Variants in NPM1 observed in about 807,000 individuals in gnomAD.
The protein encoded by NPM1 is nucleophosmin 1.
NPM1 carries 1 observed loss-of-function variant against 44.1 expected under a neutral mutation model. The observed-to-expected ratio is 0.02, with a 90% CI of 0.01 to 0.11. The LOEUF (loss-of-function observed/expected upper bound fraction) is 0.11, where lower values mean the gene tolerates loss of function less well. Ranked by LOEUF, NPM1 falls within the 10% of genes least tolerant of loss-of-function variation. NPM1 has a pLI of 1.00. For missense variants in NPM1, 197 were observed against 347.8 expected (o/e 0.57, Z 3.45); for synonymous variants, 126 against 111.8 (o/e 1.13, Z -0.80).
At chr5:171,396,592 C>CA (rs1770898106) in intron 6 of NPM1, among the ~76,000 whole-genome samples, 1 of 152,252 alleles carries the variant, frequency 6.6e-6, no homozygotes, top group South Asian at 2.1e-4. Context: ...ATTTAGAGAC[C>CA]AGTACGTTCA....
At chr5:171,391,944 T>C (rs1407321899) in intron 4 of NPM1, 145 bp downstream of exon 4, 3 of 435,148 alleles carry the variant, frequency 6.9e-6, no homozygotes, top group Non-Finnish European at 1.2e-5. Flanking sequence ...AGAGGACAAA[T>C]AAATTTTTGG....
rs11551523 is a variant in NPM1 at position 171,387,924 on chromosome 5, C to A, written c.-25C>A. The A allele has an allele frequency of 6.2e-7, 1 of 1,608,660 alleles. No individual in the cohort carries two copies. Among genetic ancestry groups the A allele is most frequent in the Admixed American group, 1.7e-5 (1 of 60,014 alleles). Reference sequence around the variant, plus strand: ...CTTTTATCTCCGTCCGCCTTCTCTCCTACCTAAGTGCGTGCCGCCACCCGA... The same window carrying A: ...CTTTTATCTCCGTCCGCCTTCTCTCATACCTAAGTGCGTGCCGCCACCCGA... On this transcript the variant is annotated 5_prime_UTR_variant, in exon 1 of 11. Coordinates refer to ENST00000296930, the MANE Select transcript of NPM1 (RefSeq NM_002520.7).
At chr5:171,389,288 A>G (rs1233103877) in intron 1 of NPM1, among the ~76,000 whole-genome samples, 1 of 152,216 alleles carries the variant, frequency 6.6e-6, no homozygotes, top group African/African-American at 2.4e-5. Context: ...ACATTTAAGC[A>G]TGTATATGTA....
chr5:171,396,235 C>T (rs1770875882), intron 6 of NPM1, among the ~76,000 whole-genome samples: 1 of 152,172 alleles, frequency 6.6e-6, no homozygotes, highest in Non-Finnish European at 1.5e-5. Flanking sequence ...CCCACCCCAG[C>T]CTCCCAGAGT....
At chr5:171,388,104 GAGACCGCC>G in intron 1 of NPM1, 98 bp downstream of exon 1, 1 of 1,079,454 alleles carries the variant, frequency 9.3e-7, no homozygotes, top group South Asian at 1.3e-5. Flanking sequence ...GGGTCTGGTG[GAGACCGCC>G]AGACCGACGG....
chr5:171,405,287 T>C lies in NPM1; in HGVS notation c.670-15T>C. On this transcript the variant is annotated splice_polypyrimidine_tract_variant and intron_variant, in intron 8 of 10. Transcript: ENST00000296930. ...TTTATTCTTATGACCTTTTGGAAAT[T>C]CATTTCTTTTTCAGGGACAAGAATC... is the stretch of plus-strand genomic sequence containing the variant. The C allele has an allele frequency of 7.7e-7, 1 of 1,306,810 alleles. No homozygotes were observed. The highest frequency in any genetic ancestry group is 1.1e-6 in the Non-Finnish European group (1 of 921,306). 81.0% of individuals were successfully genotyped at this position (1,306,810 alleles called of 1,614,324 possible). A position where few individuals can be genotyped will look rare whatever the true frequency, so the allele number is the denominator to read the frequency against.
At chr5:171,388,383 G>GT (rs1183131733) in intron 1 of NPM1, among the ~76,000 whole-genome samples, 1 of 152,230 alleles carries the variant, frequency 6.6e-6, no homozygotes, top group Non-Finnish European at 1.5e-5. Flanking sequence ...CAGGCCCCGG[G>GT]TTGGTGGTCC....
At chr5:171,408,238 T>C (rs1042416172) in intron 10 of NPM1, among the ~76,000 whole-genome samples, 2 of 152,052 alleles carry the variant, frequency 1.3e-5, no homozygotes, top group Admixed American at 1.3e-4. Flanking sequence ...AAATTGTGGC[T>C]ACTACCAGAT....
intron 6 of NPM1, among the ~76,000 whole-genome samples, chr5:171,394,103 G>T (rs187535581): frequency 6.9e-6 from 1 of 145,688 alleles, no homozygotes; most frequent in Non-Finnish European, 1.5e-5. Flanking sequence ...GTGCGGTGGC[G>T]CCATCTCGGC....
intron 8 of NPM1, among the ~76,000 whole-genome samples, chr5:171,402,189 AGT>A (rs1351068994): frequency 6.6e-6 from 1 of 150,758 alleles, no homozygotes; most frequent in Non-Finnish European, 1.5e-5. Flanking sequence ...CCCACTAAAA[AGT>A]GGGCAAAGGA....
intron 2 of NPM1, among the ~76,000 whole-genome samples, chr5:171,390,856 G>A (rs1327012784): frequency 2.0e-5 from 3 of 152,004 alleles, no homozygotes. Context: ...CCGAGTAGCT[G>A]GGATTACAGG....
chr5:171,391,488 G>C, intron 3 of NPM1, 64 bp downstream of exon 3: 1 of 1,582,424 alleles, frequency 6.3e-7, no homozygotes, highest in East Asian at 2.2e-5. Context: ...GGTAGGTTTG[G>C]TGTCATTTAG....
chr5:171,389,160 G>T (rs1211356347), intron 1 of NPM1, among the ~76,000 whole-genome samples: 1 of 152,168 alleles, frequency 6.6e-6, no homozygotes, highest in Non-Finnish European at 1.5e-5. Flanking sequence ...ATCTCAGTAG[G>T]ATTAATTGCA....
intron 8 of NPM1, among the ~76,000 whole-genome samples, chr5:171,401,314 G>A (rs1276096179): frequency 1.3e-5 from 2 of 151,566 alleles, no homozygotes; most frequent in Non-Finnish European, 2.9e-5. Context: ...TTGCACCACT[G>A]CACTCCAGCT....
intron 10 of NPM1, among the ~76,000 whole-genome samples, chr5:171,408,155 T>TG (rs1771663132): frequency 6.6e-6 from 1 of 151,668 alleles, no homozygotes; most frequent in Non-Finnish European, 1.5e-5. Context: ...ATCTTTTTTT[T>TG]TTTTTTCCTA....
At position 171,393,673 on chromosome 5, in the gene NPM1, A is replaced by G. The variant is rs530933243; in HGVS notation, c.524+695A>G. The stretch of plus-strand genomic sequence containing the variant: ...TGTCCTTCAGTTCTGAGGTTGGTCC[A>G]TATGCATTTATTGAAAACAAATATA... On this transcript the variant is annotated intron_variant, in intron 6 of 10. Coordinates refer to ENST00000296930, the MANE Select transcript of NPM1 (RefSeq NM_002520.7). Among the ~76,000 whole-genome samples, 6 of 152,374 alleles carry G rather than the reference A, an allele frequency of 3.9e-5. No homozygotes were observed. In the South Asian group the frequency reaches 1.2e-3, roughly 32 times the overall value.
chr5:171,399,812 T>G (rs1367328048), intron 6 of NPM1, among the ~76,000 whole-genome samples: 1 of 152,192 alleles, frequency 6.6e-6, no homozygotes, highest in East Asian at 1.9e-4. Flanking sequence ...CAACTTCATT[T>G]CCCAGCCCCT....
In NPM1 at chr5:171,390,727, G is replaced by GT. The variant is rs138692242; in HGVS notation, c.139-567dup. Among the ~76,000 whole-genome samples, 176 of 149,248 alleles carry GT rather than the reference G, an allele frequency of 1.2e-3. 3 individuals are homozygous for GT. The South Asian group carries it at 0.024, about 21-fold the overall frequency. ...ACCTTATTTTTAATATACCTTTCCTGTTTTTTTTTTTCTTTGGAGGCAGTC... is the reference window on the plus strand; with the variant it reads ...ACCTTATTTTTAATATACCTTTCCTGTTTTTTTTTTTTCTTTGGAGGCAGTC... On this transcript the variant is annotated intron_variant, in intron 2 of 10. Transcript: ENST00000296930.
At chr5:171,410,457 G>A in intron 10 of NPM1, 70 bp from the exon 11 acceptor site, 2 of 940,608 alleles carry the variant, frequency 2.1e-6, no homozygotes, top group South Asian at 1.6e-5. Flanking sequence ...TATGCAAAGA[G>A]ACATTTAATT....
Sources: allele counts gnomAD v4.1 joint callset (sites outside exome capture counted in the v4.1 genomes callset), GRCh38; gene constraint gnomAD v4.1.1; transcripts MANE v1.5; gene names NCBI Gene and HGNC (gene_info 2026-07-23, HGNC 2026-07-21).